EYS: variants seen among roughly 807,000 people sequenced by gnomAD.
The protein encoded by EYS is EGF-like photoreceptor maintenance factor.
EYS carries 250 observed loss-of-function variants against 282.1 expected under a neutral mutation model. That is an observed-to-expected ratio of 0.89 (90% CI 0.80 to 0.98). EYS has a LOEUF of 0.98. Ranked by LOEUF, EYS falls within the 50% of genes least tolerant of loss-of-function variation. The pLI, the probability that EYS is intolerant of heterozygous loss-of-function variation, is 0.00. For synonymous variants in EYS, 1,355 were observed against 1,282.9 expected (o/e 1.06, Z -1.20); for missense variants, 4,016 against 3,709.0 (o/e 1.08, Z -2.15).
At chr6:65,544,448 C>T (rs867148151) in intron 2 of EYS, among the ~76,000 whole-genome samples, 3 of 152,038 alleles carry the variant, frequency 2.0e-5, no homozygotes, top group African/African-American at 7.2e-5. Context: ...CCAGTTTCCC[C>T]CATCTGTTTT....
chr6:63,930,053 T>C (rs904656577), intron 35 of EYS, among the ~76,000 whole-genome samples: 1 of 152,180 alleles, frequency 6.6e-6, no homozygotes, highest in African/African-American at 2.4e-5. Context: ...CCTTATTTGC[T>C]GTCCTCTGTC....
intron 5 of EYS, among the ~76,000 whole-genome samples, chr6:65,445,439 C>CT (rs147834007): frequency 0.2 from 29,610 of 151,340 alleles, 3,403 homozygotes; most frequent in Middle Eastern, 0.3. Context: ...AATTTTACCA[C>CT]TTTTTTTTAA....
intron 31 of EYS, among the ~76,000 whole-genome samples, chr6:64,101,570 T>A (rs1490215317): frequency 2.0e-5 from 3 of 148,604 alleles, no homozygotes; most frequent in Non-Finnish European, 4.5e-5. Flanking sequence ...AAAAAAAAAA[T>A]GATTTTGTTT....
At chr6:65,369,789 A>G (rs1338393955) in intron 8 of EYS, among the ~76,000 whole-genome samples, 1 of 151,574 alleles carries the variant, frequency 6.6e-6, no homozygotes, top group East Asian at 1.9e-4. Context: ...GACAACTAAA[A>G]ATGTCTTTAG....
chr6:65,175,538 A>C (rs1765204378), intron 12 of EYS, among the ~76,000 whole-genome samples: 1 of 151,382 alleles, frequency 6.6e-6, no homozygotes, highest in African/African-American at 2.4e-5. Flanking sequence ...AAAATAAAGA[A>C]CAAGAAAAGA....
chr6:65,579,837 T>G (rs1020555643), intron 2 of EYS, among the ~76,000 whole-genome samples: 4 of 152,064 alleles, frequency 2.6e-5, no homozygotes, highest in Non-Finnish European at 5.9e-5. Flanking sequence ...GAACCTTGTC[T>G]CCAGGGAGAT....
chr6:65,380,800 G>A (rs192148064), intron 8 of EYS, among the ~76,000 whole-genome samples: 1 of 152,110 alleles, frequency 6.6e-6, no homozygotes, highest in Admixed American at 6.6e-5. Flanking sequence ...ATCAAAAAAT[G>A]GGCAAAGTTT....
At chr6:63,844,781 T>G (rs777367150) in intron 36 of EYS, among the ~76,000 whole-genome samples, 4 of 152,202 alleles carry the variant, frequency 2.6e-5, no homozygotes, top group Admixed American at 6.5e-5. Context: ...ATGGATAGAT[T>G]GCAAAAATTT....
intron 12 of EYS, among the ~76,000 whole-genome samples, chr6:65,283,454 T>G (rs1022224565): frequency 5.3e-5 from 8 of 152,040 alleles, no homozygotes; most frequent in Non-Finnish European, 4.4e-5. Context: ...ATGGTGGCAG[T>G]TCATTGTCGT....
At position 64,938,258 on chromosome 6, in the gene EYS, A is replaced by G. The variant is rs149002986; in HGVS notation, c.2381+7535T>C. On this transcript the variant is annotated intron_variant, in intron 15 of 42. Coordinates refer to ENST00000503581, the MANE Select transcript of EYS (RefSeq NM_001142800.2). ...ATCTATAGTAGTTCTCTCCTTTTCC[A>G]TGGTTTTGCTTTCTGGTTTCAGTTA... Among the ~76,000 whole-genome samples, 8 of 151,686 alleles carry G rather than the reference A, an allele frequency of 5.3e-5. No homozygotes were observed. In the East Asian group the frequency reaches 1.2e-3, roughly 22 times the overall value.
chr6:65,594,941 T>C (rs921809101), intron 2 of EYS, among the ~76,000 whole-genome samples: 6 of 152,132 alleles, frequency 3.9e-5, no homozygotes, highest in African/African-American at 1.4e-4. Flanking sequence ...CATTTCTTGT[T>C]TTGGTCAGGT....
At chr6:65,350,653 T>C (rs13203012) in intron 9 of EYS, among the ~76,000 whole-genome samples, 33,290 of 151,560 alleles carry the variant, frequency 0.22, 3,838 homozygotes, top group South Asian at 0.38. Flanking sequence ...TTACTTCACT[T>C]CGCAACTCTT....
intron 29 of EYS, among the ~76,000 whole-genome samples, chr6:64,388,296 G>T (rs1772978716): frequency 1.3e-5 from 2 of 152,062 alleles, no homozygotes; most frequent in African/African-American, 4.8e-5. Context: ...ACACAGACTG[G>T]GGATGGTCTT....
At chr6:64,872,310 C>G (rs1766621395) in intron 19 of EYS, among the ~76,000 whole-genome samples, 1 of 151,978 alleles carries the variant, frequency 6.6e-6, no homozygotes, top group African/African-American at 2.4e-5. Context: ...ATTATCTCAC[C>G]TTTATAAATT....
intron 13 of EYS, among the ~76,000 whole-genome samples, chr6:65,001,531 A>G (rs1561913610): frequency 6.8e-6 from 1 of 147,588 alleles, no homozygotes; most frequent in Non-Finnish European, 1.5e-5. Flanking sequence ...TTATCTGGGT[A>G]CGGGCTAGGG....
chr6:64,150,177 T>C (rs770697996), intron 31 of EYS, among the ~76,000 whole-genome samples: 6 of 152,216 alleles, frequency 3.9e-5, no homozygotes, highest in Non-Finnish European at 7.3e-5. Flanking sequence ...CTACACCTAG[T>C]GAGTTAGAAC....
chr6:64,565,969 ACAC>A (rs1417365628), intron 26 of EYS, among the ~76,000 whole-genome samples: 1 of 151,094 alleles, frequency 6.6e-6, no homozygotes, highest in Non-Finnish European at 1.5e-5. Context: ...AAAAAAAAAA[ACAC>A]CAAGCATTCA....
chr6:64,113,839 A>G (rs866351141), intron 31 of EYS, among the ~76,000 whole-genome samples: 61 of 152,336 alleles, frequency 4.0e-4, no homozygotes, highest in African/African-American at 1.3e-3. Flanking sequence ...AACAGCTACG[A>G]AAGTTGCTAA....
chr6:64,336,307 G>A (rs1224917064), intron 29 of EYS, among the ~76,000 whole-genome samples: 4 of 151,980 alleles, frequency 2.6e-5, no homozygotes, highest in Admixed American at 6.6e-5. Flanking sequence ...GCAAATAGAC[G>A]CCAAAAGCCA....
Sources: allele counts gnomAD v4.1 joint callset (sites outside exome capture counted in the v4.1 genomes callset), GRCh38; gene constraint gnomAD v4.1.1; transcripts MANE v1.5; gene names NCBI Gene and HGNC (gene_info 2026-07-23, HGNC 2026-07-21).